Variants in USP6NL observed in about 807,000 individuals in gnomAD.
USP6NL encodes USP6 N-terminal like, also known as USP6 N-terminal-like protein.
In USP6NL, 26 loss-of-function variants were observed where a neutral mutation model predicts 61.9. That is an observed-to-expected ratio of 0.42 (90% CI 0.31 to 0.58). The LOEUF (loss-of-function observed/expected upper bound fraction) is 0.58. Ranked by LOEUF, USP6NL falls within the 20% of genes least tolerant of loss-of-function variation. The pLI, the probability that USP6NL is intolerant of heterozygous loss-of-function variation, is 0.16. For missense variants in USP6NL, 1,114 were observed against 1,034.3 expected (o/e 1.08, Z -1.06); for synonymous variants, 432 against 390.1 (o/e 1.11, Z -1.27).
At chr10:11,557,656 C>A (rs186296358) in intron 2 of USP6NL, among the ~76,000 whole-genome samples, 1 of 152,044 alleles carries the variant, frequency 6.6e-6, no homozygotes, top group Non-Finnish European at 1.5e-5. Flanking sequence ...ATTGATGACA[C>A]GAAAGAACAA....
chr10:11,542,775 G>A (rs1836118340), intron 2 of USP6NL, among the ~76,000 whole-genome samples: 1 of 152,090 alleles, frequency 6.6e-6, no homozygotes, highest in Non-Finnish European at 1.5e-5. Context: ...TGGACAAGGA[G>A]AGAAAGCTGC....
At position 11,470,647 on chromosome 10, in the gene USP6NL, A is replaced by G. The variant is rs1832699708; in HGVS notation, c.1079-6798T>C. 6.6e-6 allele frequency among the ~76,000 whole-genome samples: 1 copy of G among 152,156 alleles called. No individual in the cohort carries two copies. Among genetic ancestry groups the G allele is most frequent in the African/African-American group, 2.4e-5 (1 of 41,426 alleles). On this transcript the variant is annotated intron_variant, in intron 14 of 14. Coordinates refer to ENST00000609104, the MANE Select transcript of USP6NL (RefSeq NM_014688.5). This position sits in a 1 kb window ranked among gnomAD's most constrained non-coding sequence, Gnocchi z 5.4. ...GAACTACCACCCCTAACCCCACCAC[A>G]CAAACACTGCTCTACTTGTCTTTGG... is the stretch of plus-strand genomic sequence containing the variant.
intron 14 of USP6NL, among the ~76,000 whole-genome samples, chr10:11,472,083 T>A (rs1394707485): frequency 6.6e-6 from 1 of 152,330 alleles, no homozygotes; most frequent in Non-Finnish European, 1.5e-5. Context: ...ATATTTCTCA[T>A]TGGTGTTTGC....
chr10:11,556,541 A>G (rs967606366), intron 2 of USP6NL, among the ~76,000 whole-genome samples: 1 of 152,224 alleles, frequency 6.6e-6, no homozygotes, highest in Non-Finnish European at 1.5e-5. Flanking sequence ...TCATAAACAA[A>G]CAAGCACTCA....
chr10:11,523,486 T>C (rs1004803597), intron 4 of USP6NL, among the ~76,000 whole-genome samples: 3 of 152,240 alleles, frequency 2.0e-5, no homozygotes, highest in African/African-American at 7.2e-5. Flanking sequence ...TTTAACTTGA[T>C]GGTATGTTTT....
In USP6NL at chr10:11,569,166, T is replaced by C. The variant is rs578005864; in HGVS notation, c.4+28465A>G. ...GTTTTGTAAGCTTAAATTGTCAACA[T>C]ATATAGCAAAATGAGTACATTTTAA... On this transcript the variant is annotated intron_variant, in intron 2 of 14. Coordinates refer to ENST00000609104, the MANE Select transcript of USP6NL (RefSeq NM_014688.5). Among the ~76,000 whole-genome samples, 8 of 152,372 alleles carry C rather than the reference T, an allele frequency of 5.3e-5. No individual in the cohort carries two copies. In the South Asian group the frequency reaches 1.7e-3, roughly 32 times the overall value.
In USP6NL at chr10:11,574,567, A is replaced by C. The variant is rs1837474929; in HGVS notation, c.4+23064T>G. On this transcript the variant is annotated intron_variant, in intron 2 of 14. Transcript: ENST00000609104. The surrounding 1 kb of genome is among the most constrained non-coding windows in gnomAD (Gnocchi z 4.3). ...AGCCCTTCTCAAAGTAAACCTACAG[A>C]GTTAACTAAAAGAGAAAAATGACAC... 6.6e-6 allele frequency among the ~76,000 whole-genome samples: 1 copy of C among 152,224 alleles called. No individual in the cohort carries two copies. The highest frequency in any genetic ancestry group is 1.5e-5 in the Non-Finnish European group (1 of 68,038).
At position 11,540,981 on chromosome 10, in the gene USP6NL, C is replaced by T. The variant is rs2133451555; in HGVS notation, c.5-13414G>A. On this transcript the variant is annotated intron_variant, in intron 2 of 14. Coordinates refer to ENST00000609104, the MANE Select transcript of USP6NL (RefSeq NM_014688.5). This position sits in a 1 kb window ranked among gnomAD's most constrained non-coding sequence, Gnocchi z 5.0. ...AGTGCTCATATCACACTAAAAGTGT[C>T]ACTCATTCAATCATTTTTGTAAGGT... Among the ~76,000 whole-genome samples the T allele has an allele frequency of 6.6e-6, 1 of 150,994 alleles. No individual in the cohort carries two copies. The highest frequency in any genetic ancestry group is 2.1e-4 in the South Asian group (1 of 4,744).
intron 2 of USP6NL, among the ~76,000 whole-genome samples, chr10:11,536,002 G>A (rs1374455709): frequency 2.0e-5 from 3 of 152,216 alleles, no homozygotes; most frequent in Non-Finnish European, 4.4e-5. Context: ...GGAGGAATGA[G>A]CAGTGAAGCA....
chr10:11,539,090 G>T (rs1835948608), intron 2 of USP6NL, among the ~76,000 whole-genome samples: 1 of 152,178 alleles, frequency 6.6e-6, no homozygotes, highest in Non-Finnish European at 1.5e-5. Flanking sequence ...GGGGTCAATG[G>T]TCTGAAAGAA....
chr10:11,527,978 C>G (rs1462363921), intron 2 of USP6NL, among the ~76,000 whole-genome samples: 1 of 152,120 alleles, frequency 6.6e-6, no homozygotes, highest in South Asian at 2.1e-4. Context: ...TAAACTAGCA[C>G]AAGATACAAT....
Position 11,493,177 on chromosome 10 carries a change from G to A in USP6NL, c.436C>T (p.Leu146=), listed in dbSNP as rs1346221237. The A allele has an allele frequency of 1.2e-6, 2 of 1,612,494 alleles. No homozygotes were observed. Among genetic ancestry groups the A allele is most frequent in the Admixed American group, 1.7e-5 (1 of 59,930 alleles). The change falls in exon 8 of 15, where the codon CTG becomes TTG. Residue 146 remains leucine (L), a synonymous_variant. Transcript: ENST00000609104. ...GCSPDIRQID[L]DVNRTFRDHI... ...TCCCGAAATGTGCGGTTGACATCCA[G>A]GTCTATTTGTCTGATGTCAGGTGAA... is the stretch of plus-strand genomic sequence containing the variant.
At position 11,470,982 on chromosome 10, in the gene USP6NL, G is replaced by A. The variant is rs939727601; in HGVS notation, c.1079-7133C>T. Among the ~76,000 whole-genome samples, 5 of 152,130 alleles carry A rather than the reference G, an allele frequency of 3.3e-5. No homozygotes were observed. Among genetic ancestry groups the A allele is most frequent in the African/African-American group, 1.2e-4 (5 of 41,436 alleles). ...GGGCGGATCACGAGGTCAGGAGATGGAGACCATCCCGGCCAACATGGTGAA... is the reference window on the plus strand; with the variant it reads ...GGGCGGATCACGAGGTCAGGAGATGAAGACCATCCCGGCCAACATGGTGAA... On this transcript the variant is annotated intron_variant, in intron 14 of 14. Coordinates refer to ENST00000609104, the MANE Select transcript of USP6NL (RefSeq NM_014688.5). This position sits in a 1 kb window ranked among gnomAD's most constrained non-coding sequence, Gnocchi z 5.4.
intron 6 of USP6NL, among the ~76,000 whole-genome samples, chr10:11,507,253 G>T (rs1834490660): frequency 6.6e-6 from 1 of 152,174 alleles, no homozygotes; most frequent in Non-Finnish European, 1.5e-5. Context: ...TAAAGGATAG[G>T]TGCAATGCAT....
At position 11,600,118 on chromosome 10, in the gene USP6NL, T is replaced by C. The variant is rs1330364327; in HGVS notation, c.-83-2401A>G. Among the ~76,000 whole-genome samples the C allele has an allele frequency of 6.6e-6, 1 of 152,226 alleles. No homozygotes were observed. The highest frequency in any genetic ancestry group is 1.5e-5 in the Non-Finnish European group (1 of 68,040). ...GTGAAAGAAGAAAAACCTTACTTTC[T>C]GTTTTTCACACCATCCAACAGGGAA... On this transcript the variant is annotated intron_variant, in intron 1 of 14. Transcript: ENST00000609104. The surrounding 1 kb of genome is among the most constrained non-coding windows in gnomAD (Gnocchi z 4.1).
rs1835380738 is a variant in USP6NL at position 11,525,538 on chromosome 10, A to G, written c.73-70T>C. 4 of 1,331,982 alleles carry G rather than the reference A, an allele frequency of 3.0e-6. No homozygotes were observed. In the African/African-American group the frequency reaches 6.1e-5, roughly 20 times the overall value. The allele number at this position is 1,331,982 out of a possible 1,614,324, so 82.5% of individuals were successfully genotyped here. A position where few individuals can be genotyped will look rare whatever the true frequency, so the allele number is the denominator to read the frequency against. On this transcript the variant is annotated intron_variant, in intron 3 of 14. Coordinates refer to ENST00000609104, the MANE Select transcript of USP6NL (RefSeq NM_014688.5). This position sits in a 1 kb window ranked among gnomAD's most constrained non-coding sequence, Gnocchi z 5.0. ...CTGAATAATTTTTTAAAATAAAAGGACGAAGAAATAAGAGCTATTTTTAAT... is the reference window on the plus strand; with the variant it reads ...CTGAATAATTTTTTAAAATAAAAGGGCGAAGAAATAAGAGCTATTTTTAAT...
At position 11,520,064 on chromosome 10, in the gene USP6NL, T is replaced by TA. The variant is rs1176661507; in HGVS notation, c.156-1491dup. 1.3e-5 allele frequency among the ~76,000 whole-genome samples: 2 copies of TA among 152,204 alleles called. No homozygotes were observed. The highest frequency in any genetic ancestry group is 2.4e-5 in the African/African-American group (1 of 41,456). On this transcript the variant is annotated intron_variant, in intron 4 of 14. Coordinates refer to ENST00000609104, the MANE Select transcript of USP6NL (RefSeq NM_014688.5). The surrounding 1 kb of genome is among the most constrained non-coding windows in gnomAD (Gnocchi z 5.2). ...AAAGAATAACCGCCAAAAGAGATCT[T>TA]AGAGTCCAAATCTCTCATTTCACAG...
In USP6NL at chr10:11,584,028, CA is replaced by C. The variant is rs1566198954; in HGVS notation, c.4+13602del. Among the ~76,000 whole-genome samples, 5 of 151,596 alleles carry C rather than the reference CA, an allele frequency of 3.3e-5. 1 individual carries two copies. The Middle Eastern group carries it at 0.01, about 311-fold the overall frequency. ...TGGGCGACACAGCGAGACTCTGTCT[CA>C]AAAAAAGAAAAGGAAAAAAAGGCAT... On this transcript the variant is annotated intron_variant, in intron 2 of 14. Coordinates refer to ENST00000609104, the MANE Select transcript of USP6NL (RefSeq NM_014688.5).
chr10:11,573,732 T>G (rs1837442407), intron 2 of USP6NL: 2 of 398,522 alleles, frequency 5.0e-6, no homozygotes, highest in South Asian at 2.5e-4. Context: ...TCCAACAGGT[T>G]TCATCACCAG....
Sources: allele counts gnomAD v4.1 joint callset (sites outside exome capture counted in the v4.1 genomes callset), GRCh38; gene constraint gnomAD v4.1.1; non-coding constraint Gnocchi (gnomAD v3.1); transcripts MANE v1.5; gene names NCBI Gene and HGNC (gene_info 2026-07-23, HGNC 2026-07-21).